USP26: variants seen among roughly 807,000 people sequenced by gnomAD.
USP26 encodes the protein ubiquitin carboxyl-terminal hydrolase 26.
For synonymous variants in USP26, 236 were observed against 240.6 expected, an observed-to-expected ratio of 0.98 and a Z score of 0.18; for missense variants, 649 against 642.3, an observed-to-expected ratio of 1.01 and a Z score of -0.11.
chrX:133,061,434 A>C (rs994621199), intron 5 of USP26, among the ~76,000 whole-genome samples: 1 of 112,489 alleles, frequency 8.9e-6, no homozygotes, highest in Admixed American at 9.4e-5. Flanking sequence ...TCAAAATTAC[A>C]ATCTGTATTG....
intron 5 of USP26, among the ~76,000 whole-genome samples, chrX:133,041,006 C>T (rs184367176): frequency 9.1e-6 from 1 of 109,922 alleles, no homozygotes; most frequent in East Asian, 2.9e-4. Flanking sequence ...CTTGTTTATG[C>T]TTCACGAAGT....
chrX:133,070,939 G>A (rs1010455007), intron 5 of USP26, among the ~76,000 whole-genome samples: 5 of 111,329 alleles, frequency 4.5e-5, no homozygotes, highest in East Asian at 5.7e-4. Flanking sequence ...AATGGTGGCC[G>A]GGTGTGGTGG....
At chrX:133,055,493 C>T (rs2067472114) in intron 5 of USP26, among the ~76,000 whole-genome samples, 1 of 111,505 alleles carries the variant, frequency 9.0e-6, no homozygotes, top group Non-Finnish European at 1.9e-5. Context: ...GCCAAACTGC[C>T]CTTTAAACAT....
At position 133,023,966 on chromosome X, in the gene USP26, T is replaced by C. The variant is rs1166369660; in HGVS notation, c.*1513A>G. ...TATGTTATGTGAGAAAACCTCTTAGTACAAGTCATTTGTTCACAGCAAAGG... is the reference window on the plus strand; with the variant it reads ...TATGTTATGTGAGAAAACCTCTTAGCACAAGTCATTTGTTCACAGCAAAGG... On this transcript the variant is annotated 3_prime_UTR_variant, in exon 6 of 6. Coordinates refer to ENST00000511190, the MANE Select transcript of USP26 (RefSeq NM_031907.3). Among the ~76,000 whole-genome samples the C allele has an allele frequency of 1.8e-5, 2 of 112,145 alleles. No homozygotes were observed. Among genetic ancestry groups the C allele is most frequent in the Non-Finnish European group, 3.8e-5 (2 of 53,243 alleles).
Position 133,026,262 on chromosome X carries a change from C to T in USP26, c.1959G>A (p.Pro653=), listed in dbSNP as rs755319004. The T allele has an allele frequency of 2.3e-5, 28 of 1,205,814 alleles. No individual in the cohort carries two copies. Among genetic ancestry groups the T allele is most frequent in the East Asian group, 3.0e-5 (1 of 33,552 alleles). Residue 653 remains proline, a synonymous_variant, in exon 6 of 6, where the codon CCG becomes CCA. Coordinates refer to ENST00000511190, the MANE Select transcript of USP26 (RefSeq NM_031907.3). ...CCAGATACGTCATTAAGTGAGCTAA[C>T]GGTTCTTTTTCAATGAATGCTCGAT... is the stretch of plus-strand genomic sequence containing the variant. ...SGDRAFIEKE[P]LAHLMTYLED...
Position 133,027,177 on chromosome X carries a change from A to T in USP26, c.1044T>A (p.Phe348Leu), listed in dbSNP as rs61758857. The change falls in exon 6 of 6, where the codon TTT becomes TTA. Residue 348 changes from phenylalanine to leucine, a missense_variant. Phe to Leu is a conservative substitution (Grantham distance 22). Transcript: ENST00000511190. ...TGATTTCTATATTATAGGTATCTTT[A>T]AAAAAAAGTAGCCGTGCCAAGCACA... The part of the protein sequence containing the change: ...LTMCLARLLF[F>L]KDTYNIEIKE... The T allele has an allele frequency of 3.1e-4, 370 of 1,205,343 alleles. 1 individual carries two copies. The East Asian group carries it at 7.4e-3, about 24-fold the overall frequency.
intron 5 of USP26, among the ~76,000 whole-genome samples, chrX:133,081,216 A>C (rs1163049571): frequency 2.7e-5 from 3 of 111,236 alleles, no homozygotes; most frequent in Non-Finnish European, 5.7e-5. Context: ...ATTTTGGTGA[A>C]TAAAAATACT....
In USP26 at chrX:133,026,385, T is replaced by G; in HGVS notation, c.1836A>C (p.Lys612Asn). The G allele has an allele frequency of 1.7e-6, 2 of 1,203,807 alleles. No homozygotes were observed. The highest frequency in any genetic ancestry group is 3.5e-5 in the South Asian group (2 of 56,417). The change falls in exon 6 of 6, where the codon AAA (lysine) becomes AAC (asparagine). Residue 612 changes from lysine (K) to asparagine (N), a missense_variant. Physicochemically the swap from Lys to Asn is moderately conservative, Grantham distance 94. Transcript: ENST00000511190. ...TTGCCCCTTTAAAGACTGTCTGGCC[T>G]TTTTTTTGTTCAGACTCCTTATCTG... ...IGSDKESEQK[K>N]GQTVFKGASR...
Position 133,036,232 on chromosome X carries a change from T to A in USP26, c.-76-7936A>T, listed in dbSNP as rs757195905. On this transcript the variant is annotated intron_variant, in intron 5 of 5. Transcript: ENST00000511190. Reference sequence around the variant, plus strand: ...TGCAGGTTTGTTACATAGGTATACATGTGCCATGGTCGTTTGCTACACCTA... The same window carrying A: ...TGCAGGTTTGTTACATAGGTATACAAGTGCCATGGTCGTTTGCTACACCTA... 1.9e-3 allele frequency among the ~76,000 whole-genome samples: 208 copies of A among 110,864 alleles called. 1 individual carries two copies. Among genetic ancestry groups the A allele is most frequent in the African/African-American group, 6.6e-3 (202 of 30,557 alleles).
chrX:133,056,459 C>A (rs1167903216), intron 5 of USP26, among the ~76,000 whole-genome samples: 1 of 111,276 alleles, frequency 9.0e-6, no homozygotes, highest in African/African-American at 3.3e-5. Flanking sequence ...CTAGGAAGAG[C>A]CAATTAGGGG....
In USP26 at chrX:133,044,246, G is replaced by A. The variant is rs764801613; in HGVS notation, c.-76-15950C>T. Among the ~76,000 whole-genome samples the A allele has an allele frequency of 4.1e-4, 47 of 113,344 alleles. 1 individual carries two copies. The highest frequency in any genetic ancestry group is 1.1e-3 in the South Asian group (3 of 2,785). ...CTCGCAGCCCTCGCTCACTCTTGGC[G>A]CCTCCTCAGCCTCAGCGCCCACTCT... is the stretch of plus-strand genomic sequence containing the variant. On this transcript the variant is annotated intron_variant, in intron 5 of 5. Coordinates refer to ENST00000511190, the MANE Select transcript of USP26 (RefSeq NM_031907.3).
intron 5 of USP26, among the ~76,000 whole-genome samples, chrX:133,073,335 CTA>C (rs1491550373): frequency 0.02 from 350 of 17,310 alleles, no homozygotes; most frequent in African/African-American, 0.077. Context: ...TTTCATGGGA[CTA>C]AAAAAAAAAA....
At chrX:133,035,675 T>C (rs748201877) in intron 5 of USP26, among the ~76,000 whole-genome samples, 5 of 112,273 alleles carry the variant, frequency 4.5e-5, no homozygotes, top group African/African-American at 1.6e-4. Context: ...TTTCTTAGGC[T>C]TTTTCTCTCA....
At chrX:133,030,355 T>C (rs760125617) in intron 5 of USP26, among the ~76,000 whole-genome samples, 1 of 111,772 alleles carries the variant, frequency 8.9e-6, no homozygotes, top group South Asian at 3.8e-4. Flanking sequence ...AAAACCCTAA[T>C]AGAAATGTCT....
chrX:133,055,791 C>G (rs1222820406), intron 5 of USP26, among the ~76,000 whole-genome samples: 2 of 111,469 alleles, frequency 1.8e-5, no homozygotes, highest in Non-Finnish European at 3.8e-5. Flanking sequence ...CTTCTTGTGG[C>G]CTTTTCTTGG....
At chrX:133,078,289 T>C (rs958662666) in intron 5 of USP26, among the ~76,000 whole-genome samples, 4 of 111,091 alleles carry the variant, frequency 3.6e-5, no homozygotes, top group Non-Finnish European at 7.5e-5. Flanking sequence ...CTTTATAAAC[T>C]ACCCAGTCTG....
At chrX:133,077,899 T>C (rs1433751087) in intron 5 of USP26, among the ~76,000 whole-genome samples, 2 of 111,054 alleles carry the variant, frequency 1.8e-5, no homozygotes, top group Admixed American at 9.6e-5. Flanking sequence ...CTGGACAACA[T>C]GATGAAACCT....
chrX:133,073,840 T>C (rs949201536), intron 5 of USP26, among the ~76,000 whole-genome samples: 1 of 111,597 alleles, frequency 9.0e-6, no homozygotes, highest in Non-Finnish European at 1.9e-5. Context: ...TTCCTAAATA[T>C]TGATGCAGTT....
chrX:133,034,466 C>T (rs2067389483), intron 5 of USP26, among the ~76,000 whole-genome samples: 1 of 111,791 alleles, frequency 8.9e-6, no homozygotes, highest in Non-Finnish European at 1.9e-5. Context: ...ACACCTCAAT[C>T]TATCAAATTT....
Sources: gnomAD v4.1 joint callset for allele counts (sites outside exome capture counted in the v4.1 genomes callset) on GRCh38, gnomAD v4.1.1 for gene constraint, MANE v1.5 for transcripts, NCBI Gene and HGNC (gene_info 2026-07-23, HGNC 2026-07-21) for gene names.